The following PCDHA9 variants were observed in gnomAD, a reference collection of about 807,000 sequenced individuals.
PCDHA9 encodes protocadherin alpha-9.
PCDHA9 carries 62 observed loss-of-function variants against 62.0 expected under a neutral mutation model. The ratio of observed to expected loss-of-function variants is 1.00; its 90% CI spans 0.81 to 1.23. The LOEUF is 1.23. Among genes scored for constraint, PCDHA9 ranks in the 50% most tolerant of loss-of-function variants. The pLI is 0.00. For missense variants in PCDHA9, 1,205 were observed against 1,249.8 expected (o/e 0.96, Z 0.54); for synonymous variants, 557 against 567.6 (o/e 0.98, Z 0.27).
At chr5:140,977,732 G>A (rs538865467) in intron 1 of PCDHA9, among the ~76,000 whole-genome samples, 2 of 152,048 alleles carry the variant, frequency 1.3e-5, no homozygotes, top group African/African-American at 2.4e-5. Flanking sequence ...TTCTCTCCTG[G>A]GTGTTATGAA....
rs782167817 is a variant in PCDHA9 at position 140,875,512 on chromosome 5, C to G, written c.2394+24623C>G. Reference sequence around the variant, plus strand: ...ACCAAGAGGCCCGGGATCCCAGCGTCTGCTGCTCTCGCTTCTGCTCCTTGC... The same window carrying G: ...ACCAAGAGGCCCGGGATCCCAGCGTGTGCTGCTCTCGCTTCTGCTCCTTGC... On this transcript the variant is annotated intron_variant, in intron 1 of 3. Coordinates refer to ENST00000532602, the MANE Select transcript of PCDHA9 (RefSeq NM_031857.2). 3 of 1,613,928 alleles carry G rather than the reference C, an allele frequency of 1.9e-6. No individual in the cohort carries two copies. The East Asian group carries it at 6.7e-5, about 36-fold the overall frequency.
chr5:140,875,724 G>T, intron 1 of PCDHA9: 1 of 1,614,244 alleles, frequency 6.2e-7, no homozygotes, highest in Non-Finnish European at 8.5e-7. Flanking sequence ...ATGGCATTTT[G>T]TTTGTGAATT....
chr5:140,968,094 A>G, intron 1 of PCDHA9: 1 of 1,614,138 alleles, frequency 6.2e-7, no homozygotes. Flanking sequence ...ACAGCCACAG[A>G]TGGGGGAATA....
intron 1 of PCDHA9, among the ~76,000 whole-genome samples, chr5:140,885,964 G>A (rs1326363408): frequency 6.6e-6 from 1 of 151,886 alleles, no homozygotes; most frequent in Non-Finnish European, 1.5e-5. Flanking sequence ...TTTTTATTTT[G>A]AGATAATTAT....
At chr5:140,863,248 G>A (rs782700291) in intron 1 of PCDHA9, 2 of 1,396,062 alleles carry the variant, frequency 1.4e-6, no homozygotes, top group Non-Finnish European at 9.8e-7. Flanking sequence ...TTTGGCGGGC[G>A]TCGAGGTCCG....
At chr5:140,859,390 C>A (rs911308831) in intron 1 of PCDHA9, 1 of 268,118 alleles carries the variant, frequency 3.7e-6, no homozygotes, top group Non-Finnish European at 6.7e-6. Context: ...CTCTAGTCAT[C>A]TTAAACAGGG....
chr5:140,858,366 G>C, intron 1 of PCDHA9: 1 of 1,590,950 alleles, frequency 6.3e-7, no homozygotes, highest in Admixed American at 1.7e-5. Context: ...TTCAGCCCCA[G>C]CCTTCCACCA....
chr5:140,848,914 T>G lies in PCDHA9; in HGVS notation c.419T>G (p.Leu140Arg). ...PPVFPATQKN[L>R]FIAESRPLDS... ...GTGTTCCCAGCGACACAAAAGAATC[T>G]GTTCATCGCGGAATCCAGGCCGCTT... The change falls in exon 1 of 4, where the codon CTG becomes CGG. Residue 140 changes from leucine to arginine, a missense_variant. This residue lies in a region of PCDHA9 where 208 missense variants were observed against 213.2 expected (regional missense o/e 0.98). Transcript: ENST00000532602. 4 of 1,608,096 alleles carry G rather than the reference T, an allele frequency of 2.5e-6. No individual in the cohort carries two copies. The highest frequency in any genetic ancestry group is 3.4e-6 in the Non-Finnish European group (4 of 1,177,018).
At chr5:140,992,999 C>G (rs1254110475) in intron 3 of PCDHA9, among the ~76,000 whole-genome samples, 4 of 152,188 alleles carry the variant, frequency 2.6e-5, no homozygotes, top group African/African-American at 9.7e-5. Flanking sequence ...CATGAAAGAG[C>G]CTCCCCAGAG....
chr5:140,914,785 C>G (rs2153531678), intron 1 of PCDHA9, among the ~76,000 whole-genome samples: 1 of 151,672 alleles, frequency 6.6e-6, no homozygotes, highest in Non-Finnish European at 1.5e-5. Context: ...ATCTTATGAC[C>G]CATTATTTTA....
chr5:140,985,739 C>CTTTT (rs11372071), intron 3 of PCDHA9, among the ~76,000 whole-genome samples: 9 of 117,918 alleles, frequency 7.6e-5, no homozygotes, highest in East Asian at 2.5e-4. Flanking sequence ...TGATGAATTC[C>CTTTT]TTTTTTTTTT....
chr5:140,922,388 CT>C (rs1233800006), intron 1 of PCDHA9, among the ~76,000 whole-genome samples: 1 of 152,148 alleles, frequency 6.6e-6, no homozygotes, highest in Non-Finnish European at 1.5e-5. Flanking sequence ...CCAAAGACTC[CT>C]TGTTTTGGAT....
intron 1 of PCDHA9, chr5:140,856,443 T>C: frequency 6.3e-7 from 1 of 1,598,282 alleles, no homozygotes; most frequent in Non-Finnish European, 8.6e-7. Flanking sequence ...CCGCCCAGGT[T>C]CTCCGTAACA....
intron 1 of PCDHA9, among the ~76,000 whole-genome samples, chr5:140,937,708 C>G (rs535447052): frequency 6.6e-6 from 1 of 151,944 alleles, no homozygotes; most frequent in South Asian, 2.1e-4. Flanking sequence ...GTCAGGAGAT[C>G]AAGACCATCC....
chr5:140,850,839 T>A lies in PCDHA9; in HGVS notation c.2344T>A (p.Ser782Thr). The change falls in exon 1 of 4, where the codon TCT becomes ACT. Residue 782 changes from serine to threonine, a missense_variant. By Grantham distance (58) the Ser-to-Thr change is moderately conservative (BLOSUM62 1). This residue lies in a region of PCDHA9 where 887 missense variants were observed against 809.5 expected (regional missense o/e 1.10). Coordinates refer to ENST00000532602, the MANE Select transcript of PCDHA9 (RefSeq NM_031857.2). The part of the protein sequence containing the change: ...FSPGLSPCAG[S>T]TERTGEPSAS... ...CCCGGGCCTTTCTCCTTGTGCTGGATCTACAGAGCGAACGGGAGAACCCTC... is the reference window on the plus strand; with the variant it reads ...CCCGGGCCTTTCTCCTTGTGCTGGAACTACAGAGCGAACGGGAGAACCCTC... 6.3e-7 allele frequency: 1 copy of A among 1,597,606 alleles called. No homozygotes were observed. Among genetic ancestry groups the A allele is most frequent in the Non-Finnish European group, 8.6e-7 (1 of 1,167,134 alleles).
intron 1 of PCDHA9, among the ~76,000 whole-genome samples, chr5:140,961,356 CA>C (rs1164957121): frequency 1.3e-5 from 2 of 152,168 alleles, no homozygotes; most frequent in Non-Finnish European, 2.9e-5. Context: ...CTGTAGTCCC[CA>C]TTAGAATTCT....
At chr5:140,934,533 C>T (rs1418320473) in intron 1 of PCDHA9, among the ~76,000 whole-genome samples, 5 of 152,086 alleles carry the variant, frequency 3.3e-5, no homozygotes, top group African/African-American at 4.8e-5. Flanking sequence ...CGAGAGCTAC[C>T]GTTCTAATTC....
At position 140,978,795 on chromosome 5, in the gene PCDHA9, G is replaced by A. The variant is rs1437973642; in HGVS notation, c.2395-154G>A. 3 of 979,120 alleles carry A rather than the reference G, an allele frequency of 3.1e-6. No individual in the cohort carries two copies. The African/African-American group carries it at 5.3e-5, about 17-fold the overall frequency. The allele number at this position is 979,120 out of a possible 1,614,324, so 60.7% of individuals were successfully genotyped here. On this transcript the variant is annotated intron_variant, in intron 1 of 3. Coordinates refer to ENST00000532602, the MANE Select transcript of PCDHA9 (RefSeq NM_031857.2). ...AATTTTCTTCTAAAGTGCTATATAT[G>A]TAGATATCATCATAGAGTTACACAT...
At chr5:140,883,781 T>C (rs1156481556) in intron 1 of PCDHA9, 1 of 1,612,432 alleles carries the variant, frequency 6.2e-7, no homozygotes, top group Non-Finnish European at 8.5e-7. Flanking sequence ...GCGTGCGCTG[T>C]CGAGCTACGT....
Sources: allele counts gnomAD v4.1 joint callset (sites outside exome capture counted in the v4.1 genomes callset), GRCh38; gene constraint gnomAD v4.1.1; regional missense constraint gnomAD v4.1.1; transcripts MANE v1.5; gene names NCBI Gene and HGNC (gene_info 2026-07-23, HGNC 2026-07-21).